PDE1C: variants seen among roughly 807,000 people sequenced by gnomAD.
The protein encoded by PDE1C is phosphodiesterase 1C.
In PDE1C, 62 loss-of-function variants were observed where a neutral mutation model predicts 93.1. The ratio of observed to expected loss-of-function variants is 0.67; its 90% CI spans 0.54 to 0.82. PDE1C has a LOEUF of 0.82. Ranked by LOEUF, PDE1C falls within the 40% of genes least tolerant of loss-of-function variation. The probability of loss-of-function intolerance (pLI) is 0.00; values close to 1 mark genes in which losing one functional copy is unlikely to be tolerated. For synonymous variants in PDE1C, 325 were observed against 310.1 expected (o/e 1.05, Z -0.50); for missense variants, 742 against 884.6 (o/e 0.84, Z 2.04).
chr7:32,353,610 T>C (rs183316740), intron 1 of PDE1C, among the ~76,000 whole-genome samples: 111 of 150,164 alleles, frequency 7.4e-4, no homozygotes, highest in African/African-American at 2.6e-3. Flanking sequence ...GGTGCACAGA[T>C]GGCATTTGAC....
chr7:31,793,676 G>GTT (rs575969245), intron 16 of PDE1C, among the ~76,000 whole-genome samples: 304 of 144,606 alleles, frequency 2.1e-3, no homozygotes, highest in South Asian at 5.1e-3. Flanking sequence ...ATGGGTCCTC[G>GTT]TTTTTTTTTT....
rs867761983 is a variant in PDE1C at position 32,297,999 on chromosome 7, T to C, written c.85+652A>G. ...TCTCTCTCTCTCTCTCTCTCTCTCC[T>C]CTCTCTCTCTCTCTCTCCCTCTCTC... On this transcript the variant is annotated intron_variant, in intron 1 of 18. Transcript: ENST00000396193. 9.0e-4 allele frequency among the ~76,000 whole-genome samples: 26 copies of C among 28,782 alleles called. 1 individual carries two copies. The highest frequency in any genetic ancestry group is 4.3e-3 in the African/African-American group (18 of 4,180). The allele number at this position is 28,782 out of a possible 152,430, so 18.9% of individuals were successfully genotyped here. A position where few individuals can be genotyped will look rare whatever the true frequency, so the allele number is the denominator to read the frequency against.
intron 1 of PDE1C, among the ~76,000 whole-genome samples, chr7:32,344,314 G>A (rs939795853): frequency 1.3e-5 from 2 of 152,004 alleles, no homozygotes; most frequent in Non-Finnish European, 2.9e-5. Flanking sequence ...GGCCTCAAGG[G>A]ATCCTTCTGC....
intron 7 of PDE1C, among the ~76,000 whole-genome samples, chr7:31,863,044 C>T (rs1286554191): frequency 6.6e-6 from 1 of 152,040 alleles, no homozygotes; most frequent in Non-Finnish European, 1.5e-5. Flanking sequence ...AATAGTATTG[C>T]TTTGAATTTA....
chr7:31,617,679 C>A, the PDE1C span, among the ~76,000 whole-genome samples: 1 of 151,970 alleles, frequency 6.6e-6, no homozygotes, highest in Non-Finnish European at 1.5e-5. Context: ...ATACTCTTGT[C>A]ATTTTCTGAT....
intron 2 of PDE1C, among the ~76,000 whole-genome samples, chr7:31,910,617 C>T (rs950203033): frequency 1.3e-5 from 2 of 152,212 alleles, no homozygotes; most frequent in Non-Finnish European, 2.9e-5. Flanking sequence ...TACATCTGTT[C>T]TCACGAGCCT....
rs1009235609 is a variant in PDE1C, at chr7:31,753,673, C to G, written c.1961-120G>C. On this transcript the variant is annotated intron_variant, in intron 17 of 17. Transcript: ENST00000396191. ...GTTTCCTCCAAGACCAGGAAAGAAG[C>G]AGTTTGGATTCTCCCTGGAAACCTT... is the stretch of plus-strand genomic sequence containing the variant. The G allele has an allele frequency of 2.2e-6, 3 of 1,369,726 alleles. No individual in the cohort carries two copies. The African/African-American group carries it at 4.4e-5, about 20-fold the overall frequency. 84.8% of individuals were successfully genotyped at this position (1,369,726 alleles called of 1,614,324 possible).
At chr7:32,085,255 G>A (rs1796996492) in intron 3 of PDE1C, among the ~76,000 whole-genome samples, 1 of 145,704 alleles carries the variant, frequency 6.9e-6, no homozygotes, top group Non-Finnish European at 1.5e-5. Flanking sequence ...AAATCTAGAA[G>A]AAATGGATAA....
At chr7:31,646,349 G>T in the PDE1C span, among the ~76,000 whole-genome samples, 76 of 152,124 alleles carry the variant, frequency 5.0e-4, no homozygotes, top group Non-Finnish European at 9.3e-4. Context: ...CAGGAGCATG[G>T]TTCTGGGGAT....
At chr7:32,042,694 C>T (rs1024537) in intron 2 of PDE1C, among the ~76,000 whole-genome samples, 29,808 of 152,094 alleles carry the variant, frequency 0.2, 3,399 homozygotes, top group Non-Finnish European at 0.27. Context: ...TGGCTAGGGG[C>T]TAAAGGACAA....
chr7:32,189,052 C>T (rs1187550650), intron 2 of PDE1C, among the ~76,000 whole-genome samples: 3 of 152,188 alleles, frequency 2.0e-5, no homozygotes, highest in Non-Finnish European at 4.4e-5. Context: ...CCTTATCCAA[C>T]TGATGTGCAC....
chr7:32,395,957 T>C (rs1012259872), intron 1 of PDE1C, among the ~76,000 whole-genome samples: 1 of 152,192 alleles, frequency 6.6e-6, no homozygotes, highest in Non-Finnish European at 1.5e-5. Context: ...ATAGACAACA[T>C]AGTATTATAT....
intron 2 of PDE1C, among the ~76,000 whole-genome samples, chr7:32,205,437 T>A (rs965762898): frequency 3.4e-4 from 52 of 152,302 alleles, no homozygotes; most frequent in African/African-American, 1.3e-3. Flanking sequence ...TGTGTCTGGC[T>A]AAAGGTTTGT....
At chr7:31,718,158 A>T in the PDE1C span, among the ~76,000 whole-genome samples, 1 of 152,140 alleles carries the variant, frequency 6.6e-6, no homozygotes, top group Non-Finnish European at 1.5e-5. Context: ...GGTGGACTGC[A>T]CGGTCATGGG....
chr7:31,980,635 C>T (rs1812260011), intron 2 of PDE1C, among the ~76,000 whole-genome samples: 1 of 152,206 alleles, frequency 6.6e-6, no homozygotes, highest in African/African-American at 2.4e-5. Flanking sequence ...ACAAATACCA[C>T]ACCTTAGTGG....
chr7:31,820,979 A>T (rs1788890930), intron 14 of PDE1C: 1 of 132,134 alleles, frequency 7.6e-6, no homozygotes, highest in Non-Finnish European at 1.6e-5. Context: ...ACCTATCTGA[A>T]TTTGCCAAAA....
chr7:31,840,061 C>T (rs1791658982), intron 9 of PDE1C, among the ~76,000 whole-genome samples: 1 of 151,996 alleles, frequency 6.6e-6, no homozygotes, highest in South Asian at 2.1e-4. Flanking sequence ...AAAGAAACTG[C>T]CAAATATTTG....
intron 2 of PDE1C, among the ~76,000 whole-genome samples, chr7:31,910,062 T>C (rs1801043076): frequency 6.6e-6 from 1 of 152,148 alleles, no homozygotes; most frequent in South Asian, 2.1e-4. Flanking sequence ...TGAGAACCAC[T>C]ATTCTAGGGT....
intron 1 of PDE1C, among the ~76,000 whole-genome samples, chr7:32,244,983 T>C (rs1474105888): frequency 6.6e-6 from 1 of 152,108 alleles, no homozygotes; most frequent in Admixed American, 6.5e-5. Flanking sequence ...GGCAGGCACA[T>C]TGGTCCTTGT....
Sources: allele counts gnomAD v4.1 joint callset (sites outside exome capture counted in the v4.1 genomes callset), GRCh38; gene constraint gnomAD v4.1.1; transcripts MANE v1.5; gene names NCBI Gene and HGNC (gene_info 2026-07-23, HGNC 2026-07-21).